Variants in PHACTR2 observed in about 807,000 individuals in gnomAD.
PHACTR2 encodes phosphatase and actin regulator 2.
A neutral mutation model predicts 76.0 loss-of-function variants in PHACTR2; 30 were observed. The ratio of observed to expected loss-of-function variants is 0.39; its 90% CI spans 0.30 to 0.54. The LOEUF is 0.54. Among genes scored for constraint, PHACTR2 ranks in the 20% least tolerant of loss-of-function variants. PHACTR2 has a pLI of 0.61. For missense variants in PHACTR2, 696 were observed against 781.1 expected (o/e 0.89, Z 1.30); for synonymous variants, 292 against 292.5 (o/e 1.00, Z 0.02).
At chr6:143,667,892 C>T (rs551392449) in intron 1 of PHACTR2, among the ~76,000 whole-genome samples, 2 of 152,284 alleles carry the variant, frequency 1.3e-5, no homozygotes, top group South Asian at 4.1e-4. Flanking sequence ...TGCCTTATTG[C>T]CCTGGCCAGA....
intron 1 of PHACTR2, among the ~76,000 whole-genome samples, chr6:143,643,633 A>C (rs1160712413): frequency 2.0e-5 from 3 of 152,250 alleles, no homozygotes; most frequent in African/African-American, 7.2e-5. Context: ...AAGTGAACAG[A>C]AGTAAAACAA....
chr6:143,745,092 T>C (rs532499789), intron 2 of PHACTR2, among the ~76,000 whole-genome samples: 1 of 152,334 alleles, frequency 6.6e-6, no homozygotes, highest in East Asian at 1.9e-4. Context: ...TGTGCCCCAC[T>C]AGCGTCTTCC....
intron 1 of PHACTR2, among the ~76,000 whole-genome samples, chr6:143,702,773 CTTTTTTTT>C (rs1190039194): frequency 1.5e-4 from 15 of 100,132 alleles, no homozygotes; most frequent in South Asian, 3.6e-4. Context: ...ATATATACAA[CTTTTTTTT>C]TTTTTTTTTT....
At chr6:143,629,890 C>A (rs1189295752) in intron 1 of PHACTR2, among the ~76,000 whole-genome samples, 1 of 152,054 alleles carries the variant, frequency 6.6e-6, no homozygotes, top group Non-Finnish European at 1.5e-5. Flanking sequence ...TGGGAACAAC[C>A]TGTAAAATGT....
intron 11 of PHACTR2, among the ~76,000 whole-genome samples, chr6:143,804,961 T>C (rs957134059): frequency 4.6e-5 from 7 of 152,210 alleles, no homozygotes; most frequent in African/African-American, 1.7e-4. Flanking sequence ...ATTCTCATGA[T>C]ATTGTGAAGA....
In PHACTR2 at chr6:143,596,793, G is replaced by A. The variant is rs1446154799; in HGVS notation, c.217+59586G>A. On this transcript the variant is annotated intron_variant, in intron 1 of 11. Coordinates refer to the PHACTR2 transcript ENST00000367584. The surrounding 1 kb of genome is among the most constrained non-coding windows in gnomAD (Gnocchi z 4.6). Reference sequence around the variant, plus strand: ...TTTGAGGTTGCAGTGAACTGTGATCGTGCCACAGCATTCCAGCTTGAGTGA... The same window carrying A: ...TTTGAGGTTGCAGTGAACTGTGATCATGCCACAGCATTCCAGCTTGAGTGA... 1.3e-5 allele frequency among the ~76,000 whole-genome samples: 2 copies of A among 152,086 alleles called. No individual in the cohort carries two copies. Among genetic ancestry groups the A allele is most frequent in the South Asian group, 2.1e-4 (1 of 4,830 alleles).
Position 143,553,358 on chromosome 6 carries a change from A to C in PHACTR2, c.217+16151A>C, listed in dbSNP as rs1002093980. ...GTGCATTTTAAAGAGAGAATGAAGG[A>C]GTATAGAGGGAGGTGAACAGAGGTT... On this transcript the variant is annotated intron_variant, in intron 1 of 11. Transcript: ENST00000367584. The surrounding 1 kb of genome is among the most constrained non-coding windows in gnomAD (Gnocchi z 4.2). Among the ~76,000 whole-genome samples, 9 of 152,194 alleles carry C rather than the reference A, an allele frequency of 5.9e-5. No homozygotes were observed. The highest frequency in any genetic ancestry group is 2.4e-5 in the African/African-American group (1 of 41,450).
chr6:143,648,964 CTA>C lies in PHACTR2; in HGVS notation c.13+40644_13+40645del, dbSNP rs1378135430. 4.1e-5 allele frequency among the ~76,000 whole-genome samples: 3 copies of C among 73,010 alleles called. No individual in the cohort carries two copies. Among genetic ancestry groups the C allele is most frequent in the African/African-American group, 1.6e-4 (3 of 19,126 alleles). The allele number at this position is 73,010 out of a possible 152,430, so 47.9% of individuals were successfully genotyped here. A position where few individuals can be genotyped will look rare whatever the true frequency, so the allele number is the denominator to read the frequency against. Reference sequence around the variant, plus strand: ...TGTATGTTTGTGTGTGTCTGTGTGTCTATGTGTATGACTGTTTCTATGTATGT... The same window carrying C: ...TGTATGTTTGTGTGTGTCTGTGTGTCTGTGTATGACTGTTTCTATGTATGT... On this transcript the variant is annotated intron_variant, in intron 1 of 11. Transcript: ENST00000305766. This position sits in a 1 kb window ranked among gnomAD's most constrained non-coding sequence, Gnocchi z 6.7.
In PHACTR2 at chr6:143,659,250, G is replaced by T. The variant is rs1776905141; in HGVS notation, c.13+50928G>T. 6.6e-6 allele frequency among the ~76,000 whole-genome samples: 1 copy of T among 152,004 alleles called. No homozygotes were observed. The highest frequency in any genetic ancestry group is 2.4e-5 in the African/African-American group (1 of 41,392). ...TTTTCCTAATAATAAATTAACCTTAGCTTATTGTAACTTTTTTACTTTATA... is the reference window on the plus strand; with the variant it reads ...TTTTCCTAATAATAAATTAACCTTATCTTATTGTAACTTTTTTACTTTATA... On this transcript the variant is annotated intron_variant, in intron 1 of 11. Transcript: ENST00000305766. This position sits in a 1 kb window ranked among gnomAD's most constrained non-coding sequence, Gnocchi z 5.0.
chr6:143,826,652 A>T lies in PHACTR2; in HGVS notation c.*2963A>T, dbSNP rs2128488451. ...AAGATGCTCAGCAAGCTTGATCAGAATCTTCATGGTCATTACCAATCAGTC... is the reference window on the plus strand; with the variant it reads ...AAGATGCTCAGCAAGCTTGATCAGATTCTTCATGGTCATTACCAATCAGTC... On this transcript the variant is annotated 3_prime_UTR_variant, in exon 13 of 13. Coordinates refer to ENST00000440869, the MANE Select transcript of PHACTR2 (RefSeq NM_001100164.2). The T allele has an allele frequency of 6.6e-6, 1 of 152,310 alleles. No individual in the cohort carries two copies. The highest frequency in any genetic ancestry group is 2.1e-4 in the South Asian group (1 of 4,828). The allele number at this position is 152,310 out of a possible 1,614,324, so 9.4% of individuals were successfully genotyped here. A position where few individuals can be genotyped will look rare whatever the true frequency, so the allele number is the denominator to read the frequency against.
chr6:143,555,195 CACATTTACG>C (rs1477370562), intron 1 of PHACTR2: 3 of 152,104 alleles, frequency 2.0e-5, no homozygotes, highest in Non-Finnish European at 4.4e-5. Context: ...GCTTTGTCTG[CACATTTACG>C]TCGAGCCTGC....
At position 143,659,620 on chromosome 6, in the gene PHACTR2, G is replaced by T. The variant is rs530174653; in HGVS notation, c.13+51298G>T. 6.6e-6 allele frequency among the ~76,000 whole-genome samples: 1 copy of T among 152,316 alleles called. No individual in the cohort carries two copies. Among genetic ancestry groups the T allele is most frequent in the Non-Finnish European group, 1.5e-5 (1 of 68,022 alleles). On this transcript the variant is annotated intron_variant, in intron 1 of 11. Transcript: ENST00000305766. The surrounding 1 kb of genome is among the most constrained non-coding windows in gnomAD (Gnocchi z 5.0). ...TTGCTTCTTTAAAGCCAGGTGAAGA[G>T]CCAGTGTCCCCTAGCAAGACAGACG...
At position 143,760,304 on chromosome 6, in the gene PHACTR2, C is replaced by A; in HGVS notation, c.455-97C>A. On this transcript the variant is annotated intron_variant, in intron 4 of 12. Transcript: ENST00000440869. The surrounding 1 kb of genome is among the most constrained non-coding windows in gnomAD (Gnocchi z 6.4). ...TCCATGCTGATTCTCAAGTACCAAG[C>A]AGACACGCTTTGTGTCACTATCGTC... is the stretch of plus-strand genomic sequence containing the variant. The A allele has an allele frequency of 9.2e-7, 1 of 1,085,000 alleles. No homozygotes were observed. The highest frequency in any genetic ancestry group is 1.3e-6 in the Non-Finnish European group (1 of 749,896). The allele number at this position is 1,085,000 out of a possible 1,614,324, so 67.2% of individuals were successfully genotyped here.
rs1775810759 is a variant in PHACTR2, at chr6:143,795,882, A to G, written c.1845+6972A>G. Among the ~76,000 whole-genome samples, 1 of 152,260 alleles carries G rather than the reference A, an allele frequency of 6.6e-6. No individual in the cohort carries two copies. The highest frequency in any genetic ancestry group is 1.5e-5 in the Non-Finnish European group (1 of 68,044). On this transcript the variant is annotated intron_variant, in intron 11 of 12. Transcript: ENST00000440869. The surrounding 1 kb of genome is among the most constrained non-coding windows in gnomAD (Gnocchi z 4.8). Reference sequence around the variant, plus strand: ...ATTATACTCATAGTCAGGGATGAGAAGCCAAGCTTTGTTCCCCATTGGTGA... The same window carrying G: ...ATTATACTCATAGTCAGGGATGAGAGGCCAAGCTTTGTTCCCCATTGGTGA...
At position 143,698,367 on chromosome 6, in the gene PHACTR2, AT is replaced by A. The variant is rs1036408631; in HGVS notation, c.47-13642del. 1.1e-4 allele frequency among the ~76,000 whole-genome samples: 17 copies of A among 152,228 alleles called. No individual in the cohort carries two copies. Among genetic ancestry groups the A allele is most frequent in the African/African-American group, 4.1e-4 (17 of 41,452 alleles). On this transcript the variant is annotated intron_variant, in intron 1 of 12. Coordinates refer to ENST00000440869, the MANE Select transcript of PHACTR2 (RefSeq NM_001100164.2). The surrounding 1 kb of genome is among the most constrained non-coding windows in gnomAD (Gnocchi z 4.3). ...CTAAAGGCATCATTATTATAAAATT[AT>A]TTTTTTAAAAAGCAACTAGTGGAAT...
chr6:143,752,135 G>GT (rs1779195898), intron 3 of PHACTR2, among the ~76,000 whole-genome samples: 1 of 151,914 alleles, frequency 6.6e-6, no homozygotes, highest in Non-Finnish European at 1.5e-5. Context: ...TAATAAATCA[G>GT]TTATTTAACT....
intron 1 of PHACTR2, among the ~76,000 whole-genome samples, chr6:143,638,421 C>T (rs1776503769): frequency 6.6e-6 from 1 of 151,634 alleles, no homozygotes; most frequent in Non-Finnish European, 1.5e-5. Flanking sequence ...GGTGCATGCC[C>T]ATAGTCCCAG....
At chr6:143,540,926 T>G (rs1771821716) in intron 1 of PHACTR2, among the ~76,000 whole-genome samples, 1 of 152,224 alleles carries the variant, frequency 6.6e-6, no homozygotes, top group East Asian at 1.9e-4. Flanking sequence ...TTTATTTTTC[T>G]TTTTTTGAGA....
rs1776394117 is a variant in PHACTR2 at position 143,633,148 on chromosome 6, G to A, written c.13+24826G>A. ...CAAGGCGTGCAATTGCTGAATCATA[G>A]GGTGAGAGTATATTTAGTTTTATAA... On this transcript the variant is annotated intron_variant, in intron 1 of 11. Transcript: ENST00000305766. This position sits in a 1 kb window ranked among gnomAD's most constrained non-coding sequence, Gnocchi z 4.1. Among the ~76,000 whole-genome samples the A allele has an allele frequency of 6.6e-6, 1 of 152,196 alleles. No homozygotes were observed. The highest frequency in any genetic ancestry group is 1.5e-5 in the Non-Finnish European group (1 of 68,036).
Sources: gnomAD v4.1 joint callset for allele counts (sites outside exome capture counted in the v4.1 genomes callset) on GRCh38, gnomAD v4.1.1 for gene constraint, Gnocchi (gnomAD v3.1) non-coding constraint, MANE v1.5 for transcripts, NCBI Gene and HGNC (gene_info 2026-07-23, HGNC 2026-07-21) for gene names.